The following PRLR variants were observed in gnomAD, a reference collection of about 807,000 sequenced individuals.
The protein encoded by PRLR is prolactin receptor, also known as hPRL receptor.
A neutral mutation model predicts 40.2 loss-of-function variants in PRLR; 13 were observed. That is an observed-to-expected ratio of 0.32 (90% CI 0.21 to 0.51). PRLR has a LOEUF of 0.51. PRLR is among the 20% of genes least tolerant of loss of function. The pLI is 0.97. For missense variants in PRLR, 656 were observed against 747.3 expected (o/e 0.88, Z 1.42); for synonymous variants, 269 against 278.7 (o/e 0.97, Z 0.35).
At chr5:35,185,995 G>A (rs769024015) in intron 1 of PRLR, among the ~76,000 whole-genome samples, 3 of 152,120 alleles carry the variant, frequency 2.0e-5, no homozygotes, top group Non-Finnish European at 4.4e-5. Context: ...GCCTTGCTGG[G>A]CTCATCTATC....
chr5:35,072,461 A>G, intron 6 of PRLR, 114 bp downstream of exon 6: 2 of 1,242,888 alleles, frequency 1.6e-6, no homozygotes, highest in Non-Finnish European at 2.3e-6. Flanking sequence ...TCACAACTGC[A>G]TTGGAGGCCA....
intron 1 of PRLR, among the ~76,000 whole-genome samples, chr5:35,226,171 G>C (rs984607714): frequency 6.6e-6 from 1 of 152,212 alleles, no homozygotes; most frequent in Non-Finnish European, 1.5e-5. Flanking sequence ...AATACAAATC[G>C]TTGTCAGCAT....
chr5:35,126,959 T>G (rs1456496794), intron 1 of PRLR, among the ~76,000 whole-genome samples: 2 of 152,304 alleles, frequency 1.3e-5, no homozygotes, highest in East Asian at 1.9e-4. Flanking sequence ...GCCAGGATCG[T>G]AGAGCCTTCA....
downstream of PRLR, among the ~76,000 whole-genome samples, chr5:35,052,367 A>G (rs953710476): frequency 2.0e-5 from 3 of 152,246 alleles, no homozygotes; most frequent in Non-Finnish European, 4.4e-5. Context: ...CAATAGATGT[A>G]GAAAAAAATT....
chr5:35,225,886 T>A (rs1282312584), intron 1 of PRLR, among the ~76,000 whole-genome samples: 1 of 152,174 alleles, frequency 6.6e-6, no homozygotes, highest in Non-Finnish European at 1.5e-5. Context: ...TTCACCGTGT[T>A]CCCCAGGCTG....
intron 2 of PRLR, among the ~76,000 whole-genome samples, chr5:35,110,978 C>T (rs915256904): frequency 1.3e-5 from 2 of 152,168 alleles, no homozygotes; most frequent in Non-Finnish European, 2.9e-5. Context: ...GAATCTTGAC[C>T]TATCTTTCTC....
chr5:35,220,750 C>T (rs181879845), intron 1 of PRLR, among the ~76,000 whole-genome samples: 5 of 152,282 alleles, frequency 3.3e-5, no homozygotes, highest in Admixed American at 2.6e-4. Flanking sequence ...CTCTGTCCAT[C>T]GTTCTCCCCT....
chr5:35,151,715 G>A (rs1774347454), intron 1 of PRLR, among the ~76,000 whole-genome samples: 1 of 152,176 alleles, frequency 6.6e-6, no homozygotes, highest in African/African-American at 2.4e-5. Flanking sequence ...TTTGTCAAGA[G>A]CCCCAACTAA....
At position 35,097,457 on chromosome 5, in the gene PRLR, AG is replaced by A. The variant is rs1388559088; in HGVS notation, c.-43-7795del. Among the ~76,000 whole-genome samples, 3 of 152,094 alleles carry A rather than the reference AG, an allele frequency of 2.0e-5. No individual in the cohort carries two copies. The East Asian group carries it at 5.8e-4, about 29-fold the overall frequency. On this transcript the variant is annotated intron_variant, in intron 2 of 9. Coordinates refer to ENST00000618457, the MANE Select transcript of PRLR (RefSeq NM_000949.7). Reference sequence around the variant, plus strand: ...GGTCACACAGCTAGTGAGTTGTCCAAGGTCACACAGCTAGTGAGTTGGATAT... The same window carrying A: ...GGTCACACAGCTAGTGAGTTGTCCAAGTCACACAGCTAGTGAGTTGGATAT...
chr5:35,179,306 C>G (rs181070849), intron 1 of PRLR, among the ~76,000 whole-genome samples: 233 of 152,338 alleles, frequency 1.5e-3, no homozygotes, highest in Middle Eastern at 0.01. Flanking sequence ...CTTGATTCAT[C>G]TGTTCATCCC....
chr5:35,156,515 G>A (rs1352696218), intron 1 of PRLR, among the ~76,000 whole-genome samples: 1 of 152,158 alleles, frequency 6.6e-6, no homozygotes, highest in Non-Finnish European at 1.5e-5. Context: ...CCAGGATCTG[G>A]CCTCCAGGCA....
chr5:35,154,227 C>G (rs1416483349), intron 1 of PRLR, among the ~76,000 whole-genome samples: 1 of 152,154 alleles, frequency 6.6e-6, no homozygotes, highest in Non-Finnish European at 1.5e-5. Flanking sequence ...GCAAAGGTAT[C>G]TGACTTCTTG....
chr5:35,200,717 A>G (rs1267223058), intron 1 of PRLR, among the ~76,000 whole-genome samples: 2 of 152,130 alleles, frequency 1.3e-5, no homozygotes, highest in Non-Finnish European at 2.9e-5. Context: ...ATGTCTTTAT[A>G]TAGGGCTTTC....
intron 1 of PRLR, among the ~76,000 whole-genome samples, chr5:35,160,955 G>A (rs545115756): frequency 2.6e-5 from 4 of 152,164 alleles, no homozygotes; most frequent in African/African-American, 9.7e-5. Context: ...TGGCGTGGCC[G>A]GCCTTGTGTC....
At chr5:35,190,409 A>T (rs1211419610) in intron 1 of PRLR, among the ~76,000 whole-genome samples, 1 of 152,162 alleles carries the variant, frequency 6.6e-6, no homozygotes, top group Admixed American at 6.5e-5. Flanking sequence ...GTTCAAGACC[A>T]GCCTGGCCAA....
chr5:35,186,639 T>C (rs759534482), intron 1 of PRLR, among the ~76,000 whole-genome samples: 3 of 152,056 alleles, frequency 2.0e-5, no homozygotes, highest in Non-Finnish European at 4.4e-5. Flanking sequence ...TAAAAGATAA[T>C]GGGGCAAAGG....
At chr5:35,188,067 G>T (rs1035214533) in intron 1 of PRLR, among the ~76,000 whole-genome samples, 32 of 152,100 alleles carry the variant, frequency 2.1e-4, no homozygotes, top group Non-Finnish European at 4.4e-5. Flanking sequence ...TTTTTGTCAG[G>T]CAGGTGCTGT....
intron 1 of PRLR, among the ~76,000 whole-genome samples, chr5:35,144,458 T>G (rs1846995): frequency 0.79 from 120,364 of 152,016 alleles, 50,329 homozygotes; most frequent in Non-Finnish European, 0.92. Flanking sequence ...AAATTTTAAT[T>G]TAATTTTTTT....
At chr5:35,108,380 C>T (rs1479379601) in intron 2 of PRLR, among the ~76,000 whole-genome samples, 1 of 152,150 alleles carries the variant, frequency 6.6e-6, no homozygotes, top group African/African-American at 2.4e-5. Flanking sequence ...CCAGGGCAAT[C>T]AGGCAGGAGA....
Sources: allele counts gnomAD v4.1 joint callset (sites outside exome capture counted in the v4.1 genomes callset), GRCh38; gene constraint gnomAD v4.1.1; transcripts MANE v1.5; gene names NCBI Gene and HGNC (gene_info 2026-07-23, HGNC 2026-07-21).